Variants in PAGE2B observed in about 807,000 individuals in gnomAD.
PAGE2B encodes PAGE family member 2B.
In PAGE2B, 5 loss-of-function variants were observed where a neutral mutation model predicts 7.6. The ratio of observed to expected loss-of-function variants is 0.66; its 90% CI spans 0.34 to 1.38. PAGE2B has a LOEUF of 1.38. Among genes scored for constraint, PAGE2B ranks in the 40% most tolerant of loss-of-function variants. The probability of loss-of-function intolerance (pLI) is 0.04; values close to 1 mark genes in which losing one functional copy is unlikely to be tolerated. For missense variants in PAGE2B, 70 were observed against 78.4 expected, an observed-to-expected ratio of 0.89 and a Z score of 0.41; for synonymous variants, 29 against 26.7, an observed-to-expected ratio of 1.09 and a Z score of -0.27.
chrX:55,075,301 C>T (rs1936494613), intron 1 of PAGE2B, among the ~76,000 whole-genome samples, 187 bp downstream of exon 1: 1 of 110,695 alleles, frequency 9.0e-6, no homozygotes, highest in Admixed American at 9.5e-5. Flanking sequence ...TGGGCTGGGA[C>T]GAGGGACGAG....
the PAGE2B span, among the ~76,000 whole-genome samples, chrX:55,036,967 A>T: frequency 3.6e-5 from 4 of 110,511 alleles, no homozygotes; most frequent in African/African-American, 1.3e-4. Context: ...AACCTAGGCA[A>T]TACCATTCAG....
intron 2 of PAGE2B, among the ~76,000 whole-genome samples, chrX:55,076,326 CTA>C (rs1436579859): frequency 2.9e-5 from 3 of 103,913 alleles, no homozygotes; most frequent in Admixed American, 1.1e-4. Flanking sequence ...CTCTCTCTCT[CTA>C]TATATATATA....
chrX:55,064,691 A>T, the PAGE2B span, among the ~76,000 whole-genome samples: 1 of 110,692 alleles, frequency 9.0e-6, no homozygotes, highest in Non-Finnish European at 1.9e-5. Context: ...TTACAGTTAT[A>T]AACTTCCCTC....
chrX:55,065,433 C>T, the PAGE2B span, among the ~76,000 whole-genome samples: 21 of 111,567 alleles, frequency 1.9e-4, no homozygotes, highest in South Asian at 3.7e-3. Flanking sequence ...TTTCACTTTA[C>T]GTGTGTCTTT....
the PAGE2B span, among the ~76,000 whole-genome samples, chrX:55,069,784 T>A: frequency 9.0e-6 from 1 of 111,660 alleles, no homozygotes; most frequent in Admixed American, 9.5e-5. Flanking sequence ...GGTGTATGTG[T>A]CCAGGAATTT....
At chrX:55,072,759 G>A (rs1936462382), upstream of PAGE2B, among the ~76,000 whole-genome samples, 1 of 112,425 alleles carries the variant, frequency 8.9e-6, no homozygotes, top group Non-Finnish European at 1.9e-5. Context: ...CTTCAGAGAT[G>A]CCCTGCCCAG....
upstream of PAGE2B, among the ~76,000 whole-genome samples, chrX:55,071,127 G>A (rs1048214949): frequency 8.1e-5 from 9 of 111,562 alleles, no homozygotes; most frequent in Admixed American, 1.9e-4. Flanking sequence ...TCTTCATAGC[G>A]TTGTTGGTCT....
At chrX:55,065,610 T>C in the PAGE2B span, among the ~76,000 whole-genome samples, 1 of 112,035 alleles carries the variant, frequency 8.9e-6, no homozygotes, top group East Asian at 2.8e-4. Context: ...TTTGTGTGTC[T>C]TCTCTTTCTT....
chrX:55,074,545 C>A (rs1367881806), upstream of PAGE2B, among the ~76,000 whole-genome samples: 2 of 111,721 alleles, frequency 1.8e-5, no homozygotes, highest in Non-Finnish European at 3.8e-5. Context: ...TGAGTTCCTA[C>A]CACTTTAATT....
the PAGE2B span, among the ~76,000 whole-genome samples, chrX:55,045,586 C>G: frequency 9.0e-6 from 1 of 111,208 alleles, no homozygotes; most frequent in Admixed American, 9.7e-5. Flanking sequence ...AAAACCCATC[C>G]CTAGCCATAC....
At chrX:55,047,202 G>C in the PAGE2B span, among the ~76,000 whole-genome samples, 14 of 110,284 alleles carry the variant, frequency 1.3e-4, no homozygotes, top group Non-Finnish European at 1.9e-4. Context: ...CCTTGCGATA[G>C]TTTGCTGAGA....
At chrX:55,049,197 A>T in the PAGE2B span, among the ~76,000 whole-genome samples, 74 of 110,942 alleles carry the variant, frequency 6.7e-4, no homozygotes, top group Non-Finnish European at 1.3e-3. Flanking sequence ...GTGCTGCTGG[A>T]TTCGGTTTGC....
At chrX:55,032,660 T>C in the PAGE2B span, among the ~76,000 whole-genome samples, 1 of 111,691 alleles carries the variant, frequency 9.0e-6, no homozygotes, top group South Asian at 3.8e-4. Flanking sequence ...AGAAGAACTT[T>C]GAATAATATT....
the PAGE2B span, among the ~76,000 whole-genome samples, chrX:55,038,680 T>C: frequency 9.0e-6 from 1 of 111,714 alleles, no homozygotes; most frequent in Admixed American, 9.6e-5. Flanking sequence ...TTTTCTGAAG[T>C]TTTTGTAATT....
chrX:55,071,944 C>T (rs761796337), upstream of PAGE2B, among the ~76,000 whole-genome samples: 1 of 111,830 alleles, frequency 8.9e-6, no homozygotes, highest in South Asian at 3.8e-4. Flanking sequence ...TCTTCTAGTT[C>T]GCAGTTCCTG....
the PAGE2B span, among the ~76,000 whole-genome samples, chrX:55,043,626 A>G: frequency 9.0e-6 from 1 of 111,675 alleles, no homozygotes; most frequent in Admixed American, 9.6e-5. Context: ...TCAAAACCAC[A>G]ATGTGATACC....
At chrX:55,062,153 G>T in the PAGE2B span, among the ~76,000 whole-genome samples, 2 of 111,336 alleles carry the variant, frequency 1.8e-5, no homozygotes, top group Non-Finnish European at 3.8e-5. Flanking sequence ...TCTATTTTTA[G>T]TTTTCTTGAG....
the PAGE2B span, among the ~76,000 whole-genome samples, chrX:55,045,587 C>T: frequency 9.0e-6 from 1 of 111,455 alleles, no homozygotes; most frequent in Non-Finnish European, 1.9e-5. Context: ...AAACCCATCC[C>T]TAGCCATACA....
the PAGE2B span, among the ~76,000 whole-genome samples, chrX:55,035,689 G>C: frequency 8.9e-6 from 1 of 112,137 alleles, no homozygotes; most frequent in Non-Finnish European, 1.9e-5. Flanking sequence ...TTTATTAACT[G>C]TGTGAACTTT....
Sources: allele counts gnomAD v4.1 joint callset (sites outside exome capture counted in the v4.1 genomes callset), GRCh38; gene constraint gnomAD v4.1.1; transcripts MANE v1.5; gene names NCBI Gene and HGNC (gene_info 2026-07-23, HGNC 2026-07-21).